The following HEATR4 variants were observed in gnomAD, a reference collection of about 807,000 sequenced individuals.
The protein encoded by HEATR4 is HEAT repeat containing 4, also known as HEAT repeat-containing protein 4.
Under a neutral mutation model 108.8 loss-of-function variants are expected in HEATR4, and 95 were observed. The observed-to-expected ratio is 0.87, with a 90% CI of 0.74 to 1.04. The LOEUF (loss-of-function observed/expected upper bound fraction) is 1.04, where lower values mean the gene tolerates loss of function less well. Ranked by LOEUF, HEATR4 falls within the 50% of genes least tolerant of loss-of-function variation. The pLI is 0.00. For synonymous variants in HEATR4, 443 were observed against 459.4 expected, an observed-to-expected ratio of 0.96 and a Z score of 0.46; for missense variants, 1,152 against 1,253.8, an observed-to-expected ratio of 0.92 and a Z score of 1.23.
At chr14:73,485,561 C>T (rs981781934) in intron 17 of HEATR4, among the ~76,000 whole-genome samples, 14 of 152,066 alleles carry the variant, frequency 9.2e-5, no homozygotes, top group African/African-American at 3.1e-4. Context: ...CATCACCATG[C>T]CTGGCTAATT....
At chr14:73,485,079 G>A (rs930352900) in intron 17 of HEATR4, among the ~76,000 whole-genome samples, 8 of 151,942 alleles carry the variant, frequency 5.3e-5, no homozygotes, top group Admixed American at 2.6e-4. Flanking sequence ...CAGGAGAATC[G>A]CTTGAACCTG....
At chr14:73,628,088 C>T in the HEATR4 span, among the ~76,000 whole-genome samples, 1 of 152,220 alleles carries the variant, frequency 6.6e-6, no homozygotes, top group Non-Finnish European at 1.5e-5. Flanking sequence ...GGATTACAGG[C>T]GTGAGCCACT....
intron 17 of HEATR4, chr14:73,481,023 AAAGAAAG>A (rs1566814842): frequency 6.6e-6 from 1 of 151,948 alleles, no homozygotes; most frequent in African/African-American, 2.4e-5. Flanking sequence ...CTCAAAAAAA[AAAGAAAG>A]AAAGAAAGAA....
In HEATR4 at chr14:73,520,875, GTGT is replaced by G. The variant is rs1887932484; in HGVS notation, c.1043_1045del (p.Asn348del). On this transcript the variant is annotated inframe_deletion, in exon 4 of 18. Coordinates refer to ENST00000553558, the MANE Select transcript of HEATR4 (RefSeq NM_001220484.1). ...ACCAAAGTAAATCTCCTGTTCAAAG[GTGT>G]TGTCTGTGGAGTAGGCAAACTTTCC... 6.2e-7 allele frequency: 1 copy of G among 1,614,018 alleles called. No homozygotes were observed. The highest frequency in any genetic ancestry group is 8.5e-7 in the Non-Finnish European group (1 of 1,180,006).
the HEATR4 span, among the ~76,000 whole-genome samples, chr14:73,603,880 C>T: frequency 1.3e-4 from 20 of 151,964 alleles, no homozygotes; most frequent in South Asian, 3.1e-3. Context: ...ACTACAGGTG[C>T]GCAGCACCAC....
At chr14:73,487,507 G>T (rs1174091619) in intron 17 of HEATR4, among the ~76,000 whole-genome samples, 3 of 152,182 alleles carry the variant, frequency 2.0e-5, no homozygotes, top group Non-Finnish European at 2.9e-5. Flanking sequence ...GGCAGAGGTT[G>T]TAGTGGGCCA....
Position 73,535,855 on chromosome 14 carries a change from C to T in HEATR4, c.-151-5611G>A, listed in dbSNP as rs527723358. On this transcript the variant is annotated intron_variant, in intron 1 of 17. Transcript: ENST00000553558. ...GCCTTAAGAAACCCTGCCACCTCAG[C>T]CTCCAAGTAAACTGGGATTATAGGC... Among the ~76,000 whole-genome samples, 2 of 115,960 alleles carry T rather than the reference C, an allele frequency of 1.7e-5. 1 individual carries two copies. Among genetic ancestry groups the T allele is most frequent in the Admixed American group, 1.9e-4 (2 of 10,342 alleles). 76.1% of individuals were successfully genotyped at this position (115,960 alleles called of 152,430 possible).
intron 10 of HEATR4, among the ~76,000 whole-genome samples, chr14:73,506,125 G>A (rs1033708193): frequency 3.3e-5 from 5 of 150,166 alleles, no homozygotes; most frequent in Non-Finnish European, 7.4e-5. Context: ...TCCTGACCTC[G>A]TGATCCGCCT....
rs781658134 is a variant in HEATR4 at position 73,508,083 on chromosome 14, A to G, written c.1881+51T>C. The G allele has an allele frequency of 7.7e-6, 12 of 1,554,408 alleles. No individual in the cohort carries two copies. In the South Asian group the frequency reaches 1.0e-4, roughly 13 times the overall value. ...AGATTGCTTACATTCACTGACCTCA[A>G]AGACCTAATTGCTCCCCAAAACTGT... is the stretch of plus-strand genomic sequence containing the variant. On this transcript the variant is annotated intron_variant, in intron 9 of 17. Transcript: ENST00000553558.
At chr14:73,593,865 C>T in the HEATR4 span, 1 of 1,613,784 alleles carries the variant, frequency 6.2e-7, no homozygotes, top group Middle Eastern at 1.7e-4. Flanking sequence ...CCCTGGAGTA[C>T]TTCGAAGAAG....
the HEATR4 span, chr14:73,575,472 C>T: frequency 6.7e-7 from 1 of 1,493,762 alleles, no homozygotes; most frequent in Non-Finnish European, 8.9e-7. Context: ...CTTCCACAAA[C>T]ACTTGGGTGG....
the HEATR4 span, chr14:73,569,579 C>G: frequency 6.2e-7 from 1 of 1,600,320 alleles, no homozygotes; most frequent in South Asian, 1.1e-5. Context: ...CCCACGCGCG[C>G]TACCGCGCCG....
At chr14:73,509,607 G>T in intron 7 of HEATR4, 134 bp from the exon 8 acceptor site, 2 of 825,210 alleles carry the variant, frequency 2.4e-6, no homozygotes. Flanking sequence ...TATAATTACA[G>T]TTTAGCTGAG....
chr14:73,558,532 T>G (rs1421211442), intron 1 of HEATR4, among the ~76,000 whole-genome samples: 1 of 141,434 alleles, frequency 7.1e-6, no homozygotes, highest in Non-Finnish European at 1.5e-5. Flanking sequence ...TTTTTTTTTT[T>G]TTTTGTAGAG....
chr14:73,603,593 T>C, the HEATR4 span, among the ~76,000 whole-genome samples: 1 of 152,078 alleles, frequency 6.6e-6, no homozygotes, highest in Non-Finnish European at 1.5e-5. Flanking sequence ...GACCTCATGA[T>C]CCACCCACCT....
intron 5 of HEATR4, 87 bp downstream of exon 5, chr14:73,518,936 G>T: frequency 7.4e-7 from 1 of 1,345,050 alleles, no homozygotes; most frequent in Non-Finnish European, 1.0e-6. Context: ...TGAACTGGGA[G>T]CTCTAGCACA....
At chr14:73,502,220 T>A (rs1886516903) in intron 11 of HEATR4, among the ~76,000 whole-genome samples, 1 of 152,082 alleles carries the variant, frequency 6.6e-6, no homozygotes, top group African/African-American at 2.4e-5. Flanking sequence ...CCACCCTCTG[T>A]GAAACTTGGC....
chr14:73,610,589 C>T, the HEATR4 span, among the ~76,000 whole-genome samples: 1 of 152,136 alleles, frequency 6.6e-6, no homozygotes, highest in African/African-American at 2.4e-5. Context: ...CCGTGCCCGA[C>T]CAAGGTGCCA....
chr14:73,488,169 G>T (rs531199038), intron 17 of HEATR4, among the ~76,000 whole-genome samples: 2 of 152,298 alleles, frequency 1.3e-5, no homozygotes, highest in South Asian at 2.1e-4. Flanking sequence ...ATGTTGAATT[G>T]TAATCTCCAA....
Sources: allele counts gnomAD v4.1 joint callset (sites outside exome capture counted in the v4.1 genomes callset), GRCh38; gene constraint gnomAD v4.1.1; transcripts MANE v1.5; gene names NCBI Gene and HGNC (gene_info 2026-07-23, HGNC 2026-07-21).